The following ATF7IP variants were observed in gnomAD, a reference collection of about 807,000 sequenced individuals.
ATF7IP encodes activating transcription factor 7 interacting protein.
ATF7IP carries 23 observed loss-of-function variants against 106.4 expected under a neutral mutation model. The ratio of observed to expected loss-of-function variants is 0.22; its 90% CI spans 0.16 to 0.31. ATF7IP has a LOEUF of 0.31. Among genes scored for constraint, ATF7IP ranks in the 10% least tolerant of loss-of-function variants. The pLI is 1.00. For synonymous variants in ATF7IP, 542 were observed against 539.0 expected (o/e 1.01, Z -0.08); for missense variants, 1,334 against 1,524.3 (o/e 0.88, Z 2.08).
chr12:14,379,362 A>G (rs1180969375), intron 1 of ATF7IP, among the ~76,000 whole-genome samples: 1 of 152,172 alleles, frequency 6.6e-6, no homozygotes, highest in Non-Finnish European at 1.5e-5. Flanking sequence ...CTGTACAGCC[A>G]GCAGAATTGT....
intron 1 of ATF7IP, among the ~76,000 whole-genome samples, chr12:14,366,813 T>G (rs1186059074): frequency 6.6e-6 from 1 of 151,862 alleles, no homozygotes; most frequent in Non-Finnish European, 1.5e-5. Context: ...GAGGCCTCTT[T>G]GAAGAAAGTG....
chr12:14,460,128 T>G (rs1445324358), intron 8 of ATF7IP, among the ~76,000 whole-genome samples: 1 of 152,230 alleles, frequency 6.6e-6, no homozygotes, highest in Non-Finnish European at 1.5e-5. Flanking sequence ...TTTATAATGT[T>G]TTTAATGTAG....
At chr12:14,402,512 AT>A (rs1045908436) in intron 1 of ATF7IP, among the ~76,000 whole-genome samples, 16 of 147,098 alleles carry the variant, frequency 1.1e-4, no homozygotes, top group Non-Finnish European at 1.5e-4. Flanking sequence ...GGAAGAATTG[AT>A]TTTTTTTTTA....
chr12:14,440,375 A>G (rs140475528), intron 5 of ATF7IP, among the ~76,000 whole-genome samples: 5 of 152,250 alleles, frequency 3.3e-5, no homozygotes, highest in Non-Finnish European at 7.4e-5. Flanking sequence ...CAAGTTCCTC[A>G]ATTGTGTACC....
intron 1 of ATF7IP, among the ~76,000 whole-genome samples, chr12:14,414,231 C>T (rs1481850434): frequency 6.6e-6 from 1 of 152,198 alleles, no homozygotes; most frequent in Non-Finnish European, 1.5e-5. Context: ...TATGTCCCTA[C>T]CTTTTGCCAT....
intron 13 of ATF7IP, among the ~76,000 whole-genome samples, chr12:14,483,099 G>A (rs753826570): frequency 6.6e-6 from 1 of 152,192 alleles, no homozygotes; most frequent in African/African-American, 2.4e-5. Context: ...CTGGTCACAT[G>A]GTCCTGGCTG....
intron 1 of ATF7IP, among the ~76,000 whole-genome samples, chr12:14,397,850 T>A (rs1029024193): frequency 6.6e-6 from 1 of 152,170 alleles, no homozygotes; most frequent in African/African-American, 2.4e-5. Context: ...CCAAACATAA[T>A]TACTCTAAAA....
intron 13 of ATF7IP, among the ~76,000 whole-genome samples, chr12:14,491,169 G>A (rs1167454441): frequency 1.3e-5 from 2 of 152,240 alleles, no homozygotes; most frequent in African/African-American, 2.4e-5. Context: ...CCAGTAGCAC[G>A]GACCTGCTGC....
intron 2 of ATF7IP, among the ~76,000 whole-genome samples, chr12:14,430,285 A>AGAG (rs1942053010): frequency 6.6e-6 from 1 of 152,186 alleles, no homozygotes; most frequent in South Asian, 2.1e-4. Context: ...ATAAGATGGA[A>AGAG]GAGAAGTATT....
intron 1 of ATF7IP, among the ~76,000 whole-genome samples, chr12:14,413,295 TAGAA>T (rs1941024990): frequency 6.6e-6 from 1 of 152,166 alleles, no homozygotes; most frequent in South Asian, 2.1e-4. Context: ...ATTTAATACT[TAGAA>T]AGCTGCTGGT....
intron 1 of ATF7IP, among the ~76,000 whole-genome samples, chr12:14,407,926 C>G (rs930627682): frequency 2.0e-5 from 3 of 151,928 alleles, no homozygotes; most frequent in African/African-American, 7.3e-5. Flanking sequence ...ATTTTTAATA[C>G]ATATTAAGCA....
chr12:14,467,081 C>G (rs1943861573), intron 10 of ATF7IP, among the ~76,000 whole-genome samples: 1 of 152,018 alleles, frequency 6.6e-6, no homozygotes, highest in African/African-American at 2.4e-5. Flanking sequence ...AGTCTTTGTA[C>G]TTTTTCATAT....
intron 4 of ATF7IP, 130 bp from the exon 5 acceptor site, chr12:14,438,000 C>T (rs1565511715): frequency 5.2e-6 from 4 of 772,766 alleles, no homozygotes; most frequent in African/African-American, 1.8e-5. Flanking sequence ...TTGCAGTGAG[C>T]CGAGATCCTG....
rs151152589 is a variant in ATF7IP at position 14,453,452 on chromosome 12, G to A, written c.1996-3109G>A. ...GTGGACTTATTTTTCGGTTTGATCC[G>A]GTCTGCTCTTGATTCTCTACAGTGA... is the stretch of plus-strand genomic sequence containing the variant. On this transcript the variant is annotated intron_variant, in intron 6 of 14. Transcript: ENST00000261168. 1.4e-3 allele frequency among the ~76,000 whole-genome samples: 206 copies of A among 151,684 alleles called. 1 individual carries two copies. The highest frequency in any genetic ancestry group is 3.9e-3 in the African/African-American group (160 of 41,324).
intron 1 of ATF7IP, among the ~76,000 whole-genome samples, chr12:14,406,514 G>C (rs79972957): frequency 0.05 from 7,532 of 151,248 alleles, 633 homozygotes; most frequent in African/African-American, 0.17. Context: ...TATAAGTTAA[G>C]AACTATTTTA....
At chr12:14,478,543 G>C in intron 12 of ATF7IP, 71 bp downstream of exon 12, 1 of 1,522,362 alleles carries the variant, frequency 6.6e-7, no homozygotes, top group Non-Finnish European at 9.0e-7. Context: ...GGAGTTAAGT[G>C]GAAAGATAAG....
intron 9 of ATF7IP, among the ~76,000 whole-genome samples, chr12:14,461,513 C>G (rs542279906): frequency 2.6e-5 from 4 of 152,058 alleles, no homozygotes; most frequent in Non-Finnish European, 5.9e-5. Flanking sequence ...AAAAAAGACA[C>G]GTTTATGTTC....
intron 1 of ATF7IP, among the ~76,000 whole-genome samples, chr12:14,407,683 G>A (rs1042168602): frequency 2.6e-5 from 4 of 151,958 alleles, no homozygotes; most frequent in South Asian, 2.1e-4. Context: ...CAAAAATAGC[G>A]GTGTTGTACA....
intron 1 of ATF7IP, among the ~76,000 whole-genome samples, chr12:14,420,846 G>A (rs541326000): frequency 2.0e-5 from 3 of 152,108 alleles, no homozygotes; most frequent in Non-Finnish European, 4.4e-5. Context: ...GGCATCAGGG[G>A]CTGCTTTTCT....
Sources: allele counts gnomAD v4.1 joint callset (sites outside exome capture counted in the v4.1 genomes callset), GRCh38; gene constraint gnomAD v4.1.1; transcripts MANE v1.5; gene names NCBI Gene and HGNC (gene_info 2026-07-23, HGNC 2026-07-21).